The following GRIK2 variants were observed in gnomAD, a reference collection of about 807,000 sequenced individuals.
The protein encoded by GRIK2 is glutamate ionotropic receptor kainate type subunit 2.
In GRIK2, 32 loss-of-function variants were observed where a neutral mutation model predicts 100.3. The observed-to-expected ratio is 0.32, with a 90% CI of 0.24 to 0.43. GRIK2 has a LOEUF of 0.43. Ranked by LOEUF, GRIK2 falls within the 20% of genes least tolerant of loss-of-function variation. The pLI is 1.00. For synonymous variants in GRIK2, 417 were observed against 389.4 expected (o/e 1.07, Z -0.83); for missense variants, 843 against 1,114.9 (o/e 0.76, Z 3.47).
At chr6:101,771,940 A>G (rs1778435663) in intron 7 of GRIK2, among the ~76,000 whole-genome samples, 1 of 152,078 alleles carries the variant, frequency 6.6e-6, no homozygotes, top group Admixed American at 6.5e-5. Flanking sequence ...TCATTGTTGG[A>G]CATTTGGGTT....
chr6:101,606,702 A>G (rs1197698723), intron 2 of GRIK2, among the ~76,000 whole-genome samples: 1 of 152,128 alleles, frequency 6.6e-6, no homozygotes, highest in Non-Finnish European at 1.5e-5. Flanking sequence ...CTATGCTTAG[A>G]CACCTTATAT....
chr6:101,962,721 ATATATT>A (rs1792380312), intron 14 of GRIK2, among the ~76,000 whole-genome samples: 1 of 152,140 alleles, frequency 6.6e-6, no homozygotes, highest in Non-Finnish European at 1.5e-5. Context: ...TTTGGTGCAT[ATATATT>A]TATAATTGTT....
At chr6:101,809,929 T>C (rs2128417997) in intron 9 of GRIK2, among the ~76,000 whole-genome samples, 1 of 152,160 alleles carries the variant, frequency 6.6e-6, no homozygotes, top group Middle Eastern at 3.4e-3. Flanking sequence ...AAACTATTTA[T>C]GAATGATGTT....
chr6:102,049,081 C>T (rs1364437137), intron 15 of GRIK2, among the ~76,000 whole-genome samples: 1 of 151,940 alleles, frequency 6.6e-6, no homozygotes, highest in Non-Finnish European at 1.5e-5. Context: ...GTTCTTATAA[C>T]TCTTGTCCCA....
intron 15 of GRIK2, among the ~76,000 whole-genome samples, chr6:102,044,557 A>G (rs963604223): frequency 6.6e-6 from 1 of 152,020 alleles, no homozygotes; most frequent in Non-Finnish European, 1.5e-5. Flanking sequence ...TGATGAAACC[A>G]TCAGATCTCG....
At chr6:101,572,144 TTTTTTA>T (rs1189150715) in intron 2 of GRIK2, among the ~76,000 whole-genome samples, 1 of 152,120 alleles carries the variant, frequency 6.6e-6, no homozygotes, top group East Asian at 1.9e-4. Flanking sequence ...AAAAAGTTGC[TTTTTTA>T]TTTTAATAAA....
intron 14 of GRIK2, among the ~76,000 whole-genome samples, chr6:102,027,112 AC>A (rs1769747180): frequency 6.6e-6 from 1 of 151,298 alleles, no homozygotes. Context: ...ATTACATGTA[AC>A]TTTTTCATAA....
At chr6:101,711,431 A>G (rs1177807658) in intron 7 of GRIK2, among the ~76,000 whole-genome samples, 1 of 151,818 alleles carries the variant, frequency 6.6e-6, no homozygotes, top group Non-Finnish European at 1.5e-5. Context: ...CTGAAGAGTA[A>G]TATTCATGAC....
At chr6:101,658,075 C>T (rs1769328866) in intron 4 of GRIK2, among the ~76,000 whole-genome samples, 1 of 151,998 alleles carries the variant, frequency 6.6e-6, no homozygotes, top group Non-Finnish European at 1.5e-5. Flanking sequence ...TTTTATTATA[C>T]TTTAAGTTCT....
At chr6:102,036,835 G>A (rs1770297978) in intron 15 of GRIK2, among the ~76,000 whole-genome samples, 1 of 151,184 alleles carries the variant, frequency 6.6e-6, no homozygotes, top group Admixed American at 6.6e-5. Context: ...ATTGTACAGA[G>A]GGAAAAAAGT....
At chr6:101,888,058 C>T (rs868685828) in intron 11 of GRIK2, among the ~76,000 whole-genome samples, 1 of 152,182 alleles carries the variant, frequency 6.6e-6, no homozygotes, top group Admixed American at 6.5e-5. Context: ...CTGCACTCTA[C>T]ACCTGAACCT....
At chr6:101,424,146 A>C (rs1776562783) in intron 2 of GRIK2, among the ~76,000 whole-genome samples, 1 of 151,936 alleles carries the variant, frequency 6.6e-6, no homozygotes, top group African/African-American at 2.4e-5. Context: ...GCTCTATCCA[A>C]ATTTTTTTTC....
At chr6:101,403,427 T>G (rs1775431780) in intron 2 of GRIK2, among the ~76,000 whole-genome samples, 1 of 152,220 alleles carries the variant, frequency 6.6e-6, no homozygotes, top group Non-Finnish European at 1.5e-5. Context: ...TCTTTGGCAC[T>G]GCACACTGAC....
intron 14 of GRIK2, among the ~76,000 whole-genome samples, chr6:101,948,169 A>G (rs1791387970): frequency 6.6e-6 from 1 of 152,120 alleles, no homozygotes; most frequent in African/African-American, 2.4e-5. Context: ...AAATACAAGA[A>G]CAAACAGGAA....
chr6:101,641,162 A>C (rs1781261882), intron 4 of GRIK2, among the ~76,000 whole-genome samples: 1 of 152,114 alleles, frequency 6.6e-6, no homozygotes, highest in African/African-American at 2.4e-5. Context: ...AAACAATCTG[A>C]TATTACTAGA....
intron 2 of GRIK2, among the ~76,000 whole-genome samples, chr6:101,614,167 T>C (rs903031919): frequency 6.6e-6 from 1 of 151,740 alleles, no homozygotes; most frequent in Non-Finnish European, 1.5e-5. Flanking sequence ...TAGTGCAATT[T>C]TAGTGCATAG....
intron 2 of GRIK2, among the ~76,000 whole-genome samples, chr6:101,415,626 T>C (rs1273885293): frequency 1.3e-5 from 2 of 152,208 alleles, no homozygotes; most frequent in Non-Finnish European, 2.9e-5. Context: ...CGCCTCGGCC[T>C]CCCAAAGTGC....
intron 9 of GRIK2, among the ~76,000 whole-genome samples, chr6:101,812,625 A>G (rs985211067): frequency 1.1e-4 from 16 of 152,136 alleles, no homozygotes; most frequent in South Asian, 1.0e-3. Context: ...TGAGTATGCC[A>G]AAGTCTCCAT....
chr6:101,707,318 A>G lies in GRIK2; in HGVS notation c.951+20965A>G, dbSNP rs1380404645. Among the ~76,000 whole-genome samples the G allele has an allele frequency of 2.6e-5, 4 of 151,522 alleles. No homozygotes were observed. In the East Asian group the frequency reaches 7.8e-4, roughly 30 times the overall value. The stretch of plus-strand genomic sequence containing the variant: ...TTCAACAAAATAGGGGAAGAAACTT[A>G]TAAGCAAGTATGGAAAATAATACAG... On this transcript the variant is annotated intron_variant, in intron 7 of 16. Coordinates refer to ENST00000369134, the MANE Select transcript of GRIK2 (RefSeq NM_021956.5).
Sources: gnomAD v4.1 joint callset for allele counts (sites outside exome capture counted in the v4.1 genomes callset) on GRCh38, gnomAD v4.1.1 for gene constraint, MANE v1.5 for transcripts, NCBI Gene and HGNC (gene_info 2026-07-23, HGNC 2026-07-21) for gene names.